Variants in SLC28A2 observed in about 807,000 individuals in gnomAD.
SLC28A2 encodes sodium/nucleoside cotransporter 2.
In SLC28A2, 69 loss-of-function variants were observed where a neutral mutation model predicts 72.9. That is an observed-to-expected ratio of 0.95 (90% CI 0.78 to 1.16). SLC28A2 has a LOEUF of 1.16. Ranked by LOEUF, SLC28A2 falls within the 50% of genes most tolerant of loss-of-function variation. SLC28A2 has a pLI of 0.00. For synonymous variants in SLC28A2, 296 were observed against 294.1 expected (o/e 1.01, Z -0.07); for missense variants, 745 against 791.1 (o/e 0.94, Z 0.70).
intron 17 of SLC28A2, among the ~76,000 whole-genome samples, chr15:45,273,201 T>C (rs1398916245): frequency 6.6e-6 from 1 of 152,126 alleles, no homozygotes; most frequent in African/African-American, 2.4e-5. Context: ...CTTATTGTGA[T>C]TGGAATACAG....
intron 16 of SLC28A2, 134 bp from the exon 17 acceptor site, chr15:45,272,539 T>C: frequency 1.2e-6 from 1 of 817,852 alleles, no homozygotes; most frequent in South Asian, 1.6e-5. Flanking sequence ...AGAATATTGA[T>C]TTACCCATGC....
chr15:45,272,163 G>T, intron 15 of SLC28A2, 132 bp from the exon 16 acceptor site: 2 of 671,818 alleles, frequency 3.0e-6, no homozygotes, highest in South Asian at 3.6e-5. Context: ...CCAGTCTCAG[G>T]TGGATGGTAA....
intron 3 of SLC28A2, among the ~76,000 whole-genome samples, chr15:45,258,300 A>T (rs1170923353): frequency 3.3e-5 from 5 of 151,958 alleles, no homozygotes; most frequent in Non-Finnish European, 7.4e-5. Context: ...TTGGGACTGC[A>T]TGCCATAGTT....
chr15:45,253,598 T>C, intron 3 of SLC28A2, 78 bp downstream of exon 3: 5 of 779,620 alleles, frequency 6.4e-6, no homozygotes, highest in South Asian at 1.5e-5. Context: ...TGTGGTATTA[T>C]CACAACCGCT....
At chr15:45,256,422 C>T (rs1899981190) in intron 3 of SLC28A2, among the ~76,000 whole-genome samples, 1 of 151,080 alleles carries the variant, frequency 6.6e-6, no homozygotes, top group African/African-American at 2.4e-5. Context: ...ATTTTCTTTT[C>T]TTTTTTTTTG....
At chr15:45,272,085 CT>C (rs1038522915) in intron 15 of SLC28A2, 6 of 530,688 alleles carry the variant, frequency 1.1e-5, no homozygotes, top group Non-Finnish European at 2.0e-5. Context: ...AATACTTGAT[CT>C]GAGGAAAGTC....
chr15:45,275,701 C>A lies in SLC28A2; in HGVS notation c.*188C>A. ...CTGTAATCCCAGCACTTTGGGAGGC[C>A]GAGGCGGGCGGATCACAAGGTCAGG... On this transcript the variant is annotated 3_prime_UTR_variant, in exon 18 of 18. Transcript: ENST00000347644. The A allele has an allele frequency of 2.0e-6, 1 of 507,204 alleles. No individual in the cohort carries two copies. The highest frequency in any genetic ancestry group is 3.5e-6 in the Non-Finnish European group (1 of 283,360). The allele number at this position is 507,204 out of a possible 1,614,324, so 31.4% of individuals were successfully genotyped here.
intron 3 of SLC28A2, among the ~76,000 whole-genome samples, chr15:45,260,681 G>A (rs1567057656): frequency 6.6e-6 from 1 of 152,172 alleles, no homozygotes; most frequent in African/African-American, 2.4e-5. Context: ...AGGGTCACTT[G>A]AGCCTGGGAG....
rs778395055 is a variant in SLC28A2 at position 45,264,645 on chromosome 15, T to A, written c.589-10T>A. The A allele has an allele frequency of 4.1e-5, 63 of 1,553,064 alleles. No individual in the cohort carries two copies. The East Asian group carries it at 1.4e-3, about 34-fold the overall frequency. On this transcript the variant is annotated splice_polypyrimidine_tract_variant and intron_variant, in intron 6 of 17. Coordinates refer to ENST00000347644, the MANE Select transcript of SLC28A2 (RefSeq NM_004212.4). ...AACTCACATTGAAATAATATTCTTATTGATCCTAGGTGTCCTGGAGGACAG... is the reference window on the plus strand; with the variant it reads ...AACTCACATTGAAATAATATTCTTAATGATCCTAGGTGTCCTGGAGGACAG...
At position 45,275,363 on chromosome 15, in the gene SLC28A2, C is replaced by G. The variant is rs762227426; in HGVS notation, c.1860-33C>G. 34 of 1,246,714 alleles carry G rather than the reference C, an allele frequency of 2.7e-5. No individual in the cohort carries two copies. In the Admixed American group the frequency reaches 5.9e-4, roughly 22 times the overall value. 77.2% of individuals were successfully genotyped at this position (1,246,714 alleles called of 1,614,324 possible). ...GTTTTGTTGCTTTGTTCCTGTCTGA[C>G]CCCTTATGTACCTCTCTGGTTTTTC... On this transcript the variant is annotated intron_variant, in intron 17 of 17. Coordinates refer to ENST00000347644, the MANE Select transcript of SLC28A2 (RefSeq NM_004212.4).
chr15:45,264,857 T>C (rs1361260053), intron 7 of SLC28A2, 89 bp downstream of exon 7: 1 of 839,710 alleles, frequency 1.2e-6, no homozygotes, highest in Non-Finnish European at 2.0e-6. Context: ...AGGCTGTATC[T>C]TGTTAATGAT....
intron 13 of SLC28A2, 25 bp from the exon 14 acceptor site, chr15:45,269,313 C>T (rs148341159): frequency 5.0e-6 from 8 of 1,601,442 alleles, no homozygotes; most frequent in Non-Finnish European, 6.8e-6. Context: ...CCTTCCTTTT[C>T]CTGTGATATC....
chr15:45,253,391 C>G, intron 2 of SLC28A2, 41 bp from the exon 3 acceptor site: 6 of 1,574,496 alleles, frequency 3.8e-6, no homozygotes, highest in Non-Finnish European at 5.2e-6. Flanking sequence ...TCATCCCTGG[C>G]AGGGCTCCAT....
chr15:45,275,456 C>T lies in SLC28A2; in HGVS notation c.1920C>T (p.Phe640=), dbSNP rs753112499. ...CTGGTCCCTGGGAAGATAAGGAGTT[C>T]AGTGCTATGGCCCTTACTAACTGCT... ...SFSGPWEDKE[F]SAMALTNCCG... The change falls in exon 18 of 18, where the codon TTC becomes TTT. Residue 640 remains phenylalanine (F), a synonymous_variant. Transcript: ENST00000347644. 6.4e-5 allele frequency: 104 copies of T among 1,613,750 alleles called. No homozygotes were observed. The highest frequency in any genetic ancestry group is 8.6e-5 in the Non-Finnish European group (102 of 1,179,676).
In SLC28A2 at chr15:45,275,467, C is replaced by T. The variant is rs748363215; in HGVS notation, c.1931C>T (p.Ala644Val). The T allele has an allele frequency of 2.5e-6, 4 of 1,612,532 alleles. No homozygotes were observed. Among genetic ancestry groups the T allele is most frequent in the East Asian group, 2.2e-5 (1 of 44,894 alleles). The change falls in exon 18 of 18, where the codon GCC becomes GTC. Residue 644 changes from alanine (A) to valine (V), a missense_variant. Coordinates refer to ENST00000347644, the MANE Select transcript of SLC28A2 (RefSeq NM_004212.4). ...GAAGATAAGGAGTTCAGTGCTATGG[C>T]CCTTACTAACTGCTGTGGATTCTAC... is the stretch of plus-strand genomic sequence containing the variant. ...PWEDKEFSAM[A>V]LTNCCGFYNN...
At chr15:45,267,269 A>G (rs921155088) in intron 10 of SLC28A2, among the ~76,000 whole-genome samples, 186 bp from the exon 11 acceptor site, 6 of 152,224 alleles carry the variant, frequency 3.9e-5, no homozygotes, top group Non-Finnish European at 8.8e-5. Context: ...CAGAGGAAGT[A>G]AGGCAGAAGC....
Position 45,264,747 on chromosome 15 carries a change from G to A in SLC28A2, c.681G>A (p.Gln227=), listed in dbSNP as rs1416642363. 2.5e-6 allele frequency: 4 copies of A among 1,611,238 alleles called. No homozygotes were observed. In the African/African-American group the frequency reaches 5.3e-5, roughly 22 times the overall value. ...CTGATCTTGGATATACTGTATTTCA[G>A]TGGCTGGGAGAGCAGGTCCAGGTAT... ...IRTDLGYTVF[Q]WLGEQVQIFL... is the part of the protein sequence containing the mutation. Residue 227 remains glutamine, a synonymous_variant, in exon 7 of 18, where the codon CAG becomes CAA. Coordinates refer to ENST00000347644, the MANE Select transcript of SLC28A2 (RefSeq NM_004212.4).
At chr15:45,254,809 A>G (rs1899922318) in intron 3 of SLC28A2, among the ~76,000 whole-genome samples, 1 of 152,098 alleles carries the variant, frequency 6.6e-6, no homozygotes, top group South Asian at 2.1e-4. Context: ...TTATATTATC[A>G]TGTTTTATAT....
intron 17 of SLC28A2, among the ~76,000 whole-genome samples, chr15:45,273,954 T>A (rs1347952133): frequency 6.6e-6 from 1 of 152,140 alleles, no homozygotes; most frequent in Non-Finnish European, 1.5e-5. Flanking sequence ...TTGTTTTTTA[T>A]ATTTATTGAT....
Sources: gnomAD v4.1 joint callset for allele counts (sites outside exome capture counted in the v4.1 genomes callset) on GRCh38, gnomAD v4.1.1 for gene constraint, MANE v1.5 for transcripts, NCBI Gene and HGNC (gene_info 2026-07-23, HGNC 2026-07-21) for gene names.